The following MYO1B variants were observed in gnomAD, a reference collection of about 807,000 sequenced individuals.
MYO1B encodes unconventional myosin-Ib.
MYO1B carries 72 observed loss-of-function variants against 159.7 expected under a neutral mutation model. The observed-to-expected ratio is 0.45, with a 90% CI of 0.37 to 0.55. The LOEUF (loss-of-function observed/expected upper bound fraction) is 0.55, where lower values mean the gene tolerates loss of function less well. MYO1B is among the 20% of genes least tolerant of loss of function. The pLI is 0.00. For missense variants in MYO1B, 1,062 were observed against 1,364.8 expected (o/e 0.78, Z 3.50); for synonymous variants, 468 against 473.8 (o/e 0.99, Z 0.16).
At chr2:191,246,560 CTT>C (rs112218087) in intron 1 of MYO1B, among the ~76,000 whole-genome samples, 2 of 71,238 alleles carry the variant, frequency 2.8e-5, no homozygotes, top group African/African-American at 7.9e-5. Context: ...GCCCCCCCCC[CTT>C]TTTTTTTGAG....
chr2:191,418,068 T>A (rs1488923573), intron 30 of MYO1B, among the ~76,000 whole-genome samples: 4 of 152,226 alleles, frequency 2.6e-5, no homozygotes, highest in Non-Finnish European at 5.9e-5. Flanking sequence ...AGCATTATAA[T>A]GCCTTTCATT....
At chr2:191,320,089 A>G (rs1690604476) in intron 3 of MYO1B, among the ~76,000 whole-genome samples, 1 of 152,144 alleles carries the variant, frequency 6.6e-6, no homozygotes. Context: ...GAAAGAAGAA[A>G]AGCAAAATTT....
At chr2:191,268,423 TATC>T (rs1241116105) in intron 1 of MYO1B, among the ~76,000 whole-genome samples, 1 of 152,190 alleles carries the variant, frequency 6.6e-6, no homozygotes, top group African/African-American at 2.4e-5. Flanking sequence ...CACCTCCAAA[TATC>T]ATCATACTGG....
chr2:191,390,932 TCA>T (rs1286395514), intron 18 of MYO1B, among the ~76,000 whole-genome samples: 12 of 152,270 alleles, frequency 7.9e-5, no homozygotes, highest in Non-Finnish European at 1.5e-4. Flanking sequence ...CAGGTAGGAT[TCA>T]CAGTGTCAGC....
intron 1 of MYO1B, chr2:191,248,054 A>G (rs1685892863): frequency 2.0e-6 from 2 of 983,460 alleles, no homozygotes; most frequent in African/African-American, 1.7e-5. Context: ...AGCATGTAGC[A>G]TCCATGTTTT....
At chr2:191,318,065 G>A (rs1404099236) in intron 3 of MYO1B, among the ~76,000 whole-genome samples, 3 of 152,152 alleles carry the variant, frequency 2.0e-5, no homozygotes, top group African/African-American at 7.2e-5. Context: ...TAGATGGTGA[G>A]TCTTAATTCC....
At chr2:191,335,090 A>C (rs1391570423) in intron 4 of MYO1B, among the ~76,000 whole-genome samples, 5 of 152,058 alleles carry the variant, frequency 3.3e-5, no homozygotes, top group African/African-American at 1.2e-4. Context: ...CCCTGTGATG[A>C]ACTATCGTCT....
chr2:191,423,286 A>G (rs114424823), intron 30 of MYO1B, among the ~76,000 whole-genome samples: 337 of 152,352 alleles, frequency 2.2e-3, no homozygotes, highest in African/African-American at 7.9e-3. Context: ...ACTGTAGGCA[A>G]TTGTAACACA....
chr2:191,422,866 A>G (rs1698030770), intron 30 of MYO1B, among the ~76,000 whole-genome samples: 1 of 152,222 alleles, frequency 6.6e-6, no homozygotes, highest in Admixed American at 6.5e-5. Flanking sequence ...ATGGAAATAT[A>G]ACCTGTTGGT....
At chr2:191,318,757 A>G (rs1373647178) in intron 3 of MYO1B, among the ~76,000 whole-genome samples, 1 of 152,226 alleles carries the variant, frequency 6.6e-6, no homozygotes, top group Non-Finnish European at 1.5e-5. Context: ...CATGACTTAA[A>G]ACACTTGAAG....
At chr2:191,401,669 T>G (rs1008261592) in intron 23 of MYO1B, 3 of 152,216 alleles carry the variant, frequency 2.0e-5, no homozygotes, top group Admixed American at 1.3e-4. Context: ...TAAGCCTATC[T>G]TATGAGAAAA....
intron 7 of MYO1B, among the ~76,000 whole-genome samples, chr2:191,359,028 A>T (rs917875255): frequency 4.6e-5 from 7 of 152,240 alleles, no homozygotes; most frequent in African/African-American, 1.7e-4. Flanking sequence ...ACTTTCTTCT[A>T]AACTTGAGGA....
intron 1 of MYO1B, among the ~76,000 whole-genome samples, chr2:191,258,104 C>T (rs139559635): frequency 2.0e-5 from 3 of 151,998 alleles, no homozygotes; most frequent in African/African-American, 7.2e-5. Flanking sequence ...AGTGTGTCAT[C>T]GGGCAATTTT....
At chr2:191,284,988 A>G (rs917930997) in intron 2 of MYO1B, among the ~76,000 whole-genome samples, 10 of 151,978 alleles carry the variant, frequency 6.6e-5, no homozygotes, top group African/African-American at 2.4e-4. Context: ...TTCCCTGCCT[A>G]CTTCTTTCCC....
chr2:191,289,248 C>G (rs1211784378), intron 2 of MYO1B, among the ~76,000 whole-genome samples: 1 of 152,176 alleles, frequency 6.6e-6, no homozygotes, highest in Non-Finnish European at 1.5e-5. Context: ...CACAAGTTTC[C>G]TCCGTTCTTC....
intron 30 of MYO1B, among the ~76,000 whole-genome samples, chr2:191,420,748 G>A (rs1697885112): frequency 6.6e-6 from 1 of 152,084 alleles, no homozygotes; most frequent in Non-Finnish European, 1.5e-5. Flanking sequence ...TATACATATA[G>A]GTATACACGT....
chr2:191,261,294 TTTGGA>T (rs1686796205), intron 1 of MYO1B, among the ~76,000 whole-genome samples: 1 of 152,234 alleles, frequency 6.6e-6, no homozygotes, highest in Non-Finnish European at 1.5e-5. Context: ...ATTTGAATTC[TTTGGA>T]AATCACCTGA....
At chr2:191,306,121 A>G (rs1689636981) in intron 3 of MYO1B, among the ~76,000 whole-genome samples, 2 of 152,182 alleles carry the variant, frequency 1.3e-5, no homozygotes, top group African/African-American at 2.4e-5. Flanking sequence ...GCTGTGGAGA[A>G]ACAACGTGGG....
intron 2 of MYO1B, among the ~76,000 whole-genome samples, chr2:191,283,694 C>G (rs191471862): frequency 9.8e-5 from 15 of 152,298 alleles, no homozygotes; most frequent in African/African-American, 3.6e-4. Context: ...GGAGCTGAAA[C>G]TCACACCCAG....
Sources: gnomAD v4.1 joint callset for allele counts (sites outside exome capture counted in the v4.1 genomes callset) on GRCh38, gnomAD v4.1.1 for gene constraint, MANE v1.5 for transcripts, NCBI Gene and HGNC (gene_info 2026-07-23, HGNC 2026-07-21) for gene names.